The following AGTPBP1 variants were observed in gnomAD, a reference collection of about 807,000 sequenced individuals.
The protein encoded by AGTPBP1 is cytosolic carboxypeptidase 1.
AGTPBP1 carries 70 observed loss-of-function variants against 143.9 expected under a neutral mutation model. That is an observed-to-expected ratio of 0.49 (90% CI 0.40 to 0.59). AGTPBP1 has a LOEUF of 0.59. Ranked by LOEUF, AGTPBP1 falls within the 20% of genes least tolerant of loss-of-function variation. The probability of loss-of-function intolerance (pLI) is 0.00; values close to 1 mark genes in which losing one functional copy is unlikely to be tolerated. For synonymous variants in AGTPBP1, 463 were observed against 500.2 expected, an observed-to-expected ratio of 0.93 and a Z score of 0.99; for missense variants, 1,229 against 1,464.5, an observed-to-expected ratio of 0.84 and a Z score of 2.62.
intron 2 of AGTPBP1, among the ~76,000 whole-genome samples, chr9:85,697,559 TCTCCTGCCTCAGCCTC>T (rs528133199): frequency 0.013 from 1,957 of 149,128 alleles, 43 homozygotes; most frequent in African/African-American, 0.045. Context: ...TTCACGCCAT[TCTCCTGCCTCAGCCTC>T]CTGAGTAGCT....
At chr9:85,571,278 T>C (rs1408635438) in intron 25 of AGTPBP1, among the ~76,000 whole-genome samples, 2 of 152,186 alleles carry the variant, frequency 1.3e-5, no homozygotes, top group Non-Finnish European at 2.9e-5. Flanking sequence ...AAATGATTGA[T>C]GATTCCAACC....
At chr9:85,734,333 A>C (rs1046642882) in intron 1 of AGTPBP1, among the ~76,000 whole-genome samples, 1 of 149,674 alleles carries the variant, frequency 6.7e-6, no homozygotes, top group South Asian at 2.1e-4. Context: ...AAAATACTTA[A>C]AAAAAAAAAA....
At chr9:85,641,548 G>C (rs1832467350) in intron 13 of AGTPBP1, among the ~76,000 whole-genome samples, 1 of 151,786 alleles carries the variant, frequency 6.6e-6, no homozygotes, top group Non-Finnish European at 1.5e-5. Flanking sequence ...CTCAAATCTA[G>C]GGGGAATACC....
At chr9:85,614,185 T>C (rs951961567) in intron 17 of AGTPBP1, among the ~76,000 whole-genome samples, 2 of 152,016 alleles carry the variant, frequency 1.3e-5, no homozygotes, top group African/African-American at 4.8e-5. Context: ...CCCTTTAATT[T>C]AAACATTGTT....
Position 85,707,945 on chromosome 9 carries a change from G to A in AGTPBP1, c.32+4557C>T, listed in dbSNP as rs754638179. On this transcript the variant is annotated intron_variant, in intron 2 of 25. Coordinates refer to ENST00000357081, the MANE Select transcript of AGTPBP1 (RefSeq NM_001330701.2). ...GGGGGCTAGGGGAGGGATAGCATTA[G>A]GAGAAATACCTAATGTAGGTGACGG... 6.6e-5 allele frequency among the ~76,000 whole-genome samples: 10 copies of A among 152,188 alleles called. No homozygotes were observed. The East Asian group carries it at 7.7e-4, about 12-fold the overall frequency.
chr9:85,744,692 C>T (rs1044039356), upstream of AGTPBP1, among the ~76,000 whole-genome samples: 1 of 152,178 alleles, frequency 6.6e-6, no homozygotes, highest in African/African-American at 2.4e-5. Context: ...TTCCTGGTGG[C>T]TCCACCCCAT....
the AGTPBP1 span, among the ~76,000 whole-genome samples, chr9:85,754,213 A>T: frequency 6.6e-6 from 1 of 152,150 alleles, no homozygotes; most frequent in Non-Finnish European, 1.5e-5. Flanking sequence ...TTTGTTTGAG[A>T]TGGAGTCTCG....
intron 22 of AGTPBP1, among the ~76,000 whole-genome samples, chr9:85,586,477 T>C (rs149599074): frequency 6.6e-6 from 1 of 152,320 alleles, no homozygotes; most frequent in Non-Finnish European, 1.5e-5. Context: ...AGTCCAGTCA[T>C]GCCTGTACTA....
chr9:85,593,508 C>A (rs1188778596), intron 18 of AGTPBP1, among the ~76,000 whole-genome samples: 1 of 152,174 alleles, frequency 6.6e-6, no homozygotes, highest in African/African-American at 2.4e-5. Flanking sequence ...GAAGTCTGAA[C>A]ATTGGATATT....
At chr9:85,595,887 G>A (rs375025341) in intron 18 of AGTPBP1, among the ~76,000 whole-genome samples, 1 of 152,122 alleles carries the variant, frequency 6.6e-6, no homozygotes, top group African/African-American at 2.4e-5. Flanking sequence ...AAGATGAACT[G>A]TGTTAAGCTG....
At chr9:85,709,489 A>G (rs914743638) in intron 2 of AGTPBP1, among the ~76,000 whole-genome samples, 1 of 152,170 alleles carries the variant, frequency 6.6e-6, no homozygotes, top group Non-Finnish European at 1.5e-5. Context: ...CAGCTGCTCA[A>G]TAAAGGTTAT....
intron 19 of AGTPBP1, among the ~76,000 whole-genome samples, chr9:85,590,525 G>C (rs550810183): frequency 1.3e-4 from 20 of 152,140 alleles, no homozygotes; most frequent in African/African-American, 4.6e-4. Flanking sequence ...TTTTGCCTAT[G>C]TTCTTTCACA....
At chr9:85,784,991 T>G in the AGTPBP1 span, among the ~76,000 whole-genome samples, 1 of 152,216 alleles carries the variant, frequency 6.6e-6, no homozygotes, top group Non-Finnish European at 1.5e-5. Flanking sequence ...ATGGGCCAGA[T>G]TTGGCTTGAG....
chr9:85,793,696 A>G, the AGTPBP1 span, among the ~76,000 whole-genome samples: 1 of 152,178 alleles, frequency 6.6e-6, no homozygotes, highest in African/African-American at 2.4e-5. Flanking sequence ...GTTTATTACA[A>G]AATTCAGTAT....
chr9:85,653,232 AAGG>A (rs1030869622), intron 11 of AGTPBP1, among the ~76,000 whole-genome samples: 4 of 151,092 alleles, frequency 2.6e-5, no homozygotes, highest in Non-Finnish European at 5.9e-5. Flanking sequence ...TGGGGGGAGG[AAGG>A]AGGAGGAGGA....
At chr9:85,642,567 C>T (rs146318382) in intron 13 of AGTPBP1, among the ~76,000 whole-genome samples, 3,774 of 151,444 alleles carry the variant, frequency 0.025, 102 homozygotes, top group Admixed American at 0.094. Flanking sequence ...CTCCTGACCT[C>T]GTGATCCACA....
chr9:85,698,106 A>G (rs1183643881), intron 2 of AGTPBP1, among the ~76,000 whole-genome samples: 1 of 151,396 alleles, frequency 6.6e-6, no homozygotes, highest in East Asian at 1.9e-4. Context: ...TTTTTTGGCA[A>G]TTAATAAAAC....
At chr9:85,770,524 A>G in the AGTPBP1 span, 6 of 1,216,630 alleles carry the variant, frequency 4.9e-6, no homozygotes, top group Non-Finnish European at 7.3e-6. Flanking sequence ...TTTTTCTTAT[A>G]AAGATGGGTC....
chr9:85,660,512 A>C (rs1284984469), intron 9 of AGTPBP1, among the ~76,000 whole-genome samples: 1 of 152,192 alleles, frequency 6.6e-6, no homozygotes, highest in Admixed American at 6.6e-5. Flanking sequence ...ATAAACTTAC[A>C]TTTATGGTAG....
Sources: allele counts gnomAD v4.1 joint callset (sites outside exome capture counted in the v4.1 genomes callset), GRCh38; gene constraint gnomAD v4.1.1; transcripts MANE v1.5; gene names NCBI Gene and HGNC (gene_info 2026-07-23, HGNC 2026-07-21).